KIF21A: variants seen among roughly 807,000 people sequenced by gnomAD.
The protein encoded by KIF21A is kinesin family member 21A.
KIF21A carries 114 observed loss-of-function variants against 202.9 expected under a neutral mutation model. The ratio of observed to expected loss-of-function variants is 0.56; its 90% CI spans 0.48 to 0.66. The LOEUF is 0.66. Ranked by LOEUF, KIF21A falls within the 30% of genes least tolerant of loss-of-function variation. The pLI, the probability that KIF21A is intolerant of heterozygous loss-of-function variation, is 0.00. For missense variants in KIF21A, 1,677 were observed against 1,994.9 expected (o/e 0.84, Z 3.04); for synonymous variants, 667 against 670.8 (o/e 0.99, Z 0.09).
intron 11 of KIF21A, among the ~76,000 whole-genome samples, chr12:39,347,764 T>C (rs1014965758): frequency 6.6e-6 from 1 of 151,436 alleles, no homozygotes; most frequent in Non-Finnish European, 1.5e-5. Context: ...AAGAAATCTG[T>C]GTGTTTCTAG....
intron 1 of KIF21A, among the ~76,000 whole-genome samples, chr12:39,421,367 C>T (rs931303996): frequency 2.0e-5 from 3 of 152,112 alleles, no homozygotes; most frequent in Non-Finnish European, 2.9e-5. Flanking sequence ...TTAAGCAAAA[C>T]ATGACTGTAA....
Position 39,379,630 on chromosome 12 carries a change from T to C in KIF21A, c.45-9369A>G, listed in dbSNP as rs147478140. On this transcript the variant is annotated intron_variant, in intron 1 of 37. Coordinates refer to ENST00000361418, the MANE Select transcript of KIF21A (RefSeq NM_001173464.2). ...TCAGGCTTCCAATGAAGCTCAGCAA[T>C]GGGAGGTATCAGTAGGACATTAAGG... 4.3e-3 allele frequency among the ~76,000 whole-genome samples: 653 copies of C among 152,246 alleles called. 3 individuals are homozygous for C. The highest frequency in any genetic ancestry group is 0.015 in the African/African-American group (613 of 41,550).
In KIF21A at chr12:39,375,217, A is replaced by T. The variant is rs577387624; in HGVS notation, c.45-4956T>A. Among the ~76,000 whole-genome samples the T allele has an allele frequency of 2.6e-5, 4 of 152,318 alleles. No homozygotes were observed. The South Asian group carries it at 8.3e-4, about 32-fold the overall frequency. On this transcript the variant is annotated intron_variant, in intron 1 of 37. Transcript: ENST00000361418. ...CATGTTTTGAGATGTCCTAAATAAA[A>T]CAAAAGTTTTAAAATAAAGTATTTT...
At position 39,322,898 on chromosome 12, in the gene KIF21A, A is replaced by G. The variant is rs1161950159; in HGVS notation, c.3457-16T>C. 12 of 1,581,916 alleles carry G rather than the reference A, an allele frequency of 7.6e-6. No individual in the cohort carries two copies. The highest frequency in any genetic ancestry group is 1.4e-5 in the African/African-American group (1 of 74,032). ...TCCTTCGGGCCTAGTCAAAGAATGG[A>G]AGGAAAAGCAATCAGGAGCAAACTC... On this transcript the variant is annotated splice_polypyrimidine_tract_variant and intron_variant, in intron 26 of 37. Coordinates refer to ENST00000361418, the MANE Select transcript of KIF21A (RefSeq NM_001173464.2).
rs1388605218 is a variant in KIF21A, at chr12:39,378,070, A to G, written c.45-7809T>C. On this transcript the variant is annotated intron_variant, in intron 1 of 37. Coordinates refer to ENST00000361418, the MANE Select transcript of KIF21A (RefSeq NM_001173464.2). Reference sequence around the variant, plus strand: ...ATGCTTCTGGCTGCAATTCTAGACTACACTACTCAGTCTCTGGTTTACAAC... The same window carrying G: ...ATGCTTCTGGCTGCAATTCTAGACTGCACTACTCAGTCTCTGGTTTACAAC... 2.6e-5 allele frequency among the ~76,000 whole-genome samples: 4 copies of G among 152,186 alleles called. 1 individual carries two copies. Among genetic ancestry groups the G allele is most frequent in the Non-Finnish European group, 5.9e-5 (4 of 68,032 alleles).
chr12:39,433,610 T>C (rs924961512), intron 1 of KIF21A, among the ~76,000 whole-genome samples: 10 of 152,200 alleles, frequency 6.6e-5, no homozygotes, highest in African/African-American at 2.2e-4. Flanking sequence ...TACATTAGGT[T>C]GAGCAACTAG....
intron 37 of KIF21A, among the ~76,000 whole-genome samples, chr12:39,297,301 G>A (rs113058380): frequency 0.042 from 6,322 of 151,972 alleles, 421 homozygotes; most frequent in African/African-American, 0.15. Flanking sequence ...TGTTTATTGC[G>A]GCACTATTCA....
At chr12:39,415,230 CTTTTTTTTTTTT>C (rs1161997461) in intron 1 of KIF21A, among the ~76,000 whole-genome samples, 2 of 55,434 alleles carry the variant, frequency 3.6e-5, no homozygotes, top group African/African-American at 1.6e-4. Context: ...GTAGAGAATG[CTTTTTTTTTTTT>C]TTTTTTTTTT....
chr12:39,428,768 G>A lies in KIF21A; in HGVS notation c.44+14159C>T, dbSNP rs371193166. 2.0e-3 allele frequency among the ~76,000 whole-genome samples: 307 copies of A among 152,176 alleles called. 4 individuals carry two copies. The highest frequency in any genetic ancestry group is 7.1e-3 in the African/African-American group (294 of 41,524). The stretch of plus-strand genomic sequence containing the variant: ...AGGTCAGGAGATCGAAACCATCCTG[G>A]CCAACATGGTGAAACCCTGGCTCTA... On this transcript the variant is annotated intron_variant, in intron 1 of 37. Coordinates refer to ENST00000361418, the MANE Select transcript of KIF21A (RefSeq NM_001173464.2).
At chr12:39,389,976 C>T (rs1483470358) in intron 1 of KIF21A, among the ~76,000 whole-genome samples, 2 of 152,218 alleles carry the variant, frequency 1.3e-5, no homozygotes, top group African/African-American at 4.8e-5. Context: ...CACTACCCCA[C>T]ACACTATACA....
At chr12:39,337,724 A>G (rs1164472290) in intron 16 of KIF21A, among the ~76,000 whole-genome samples, 1 of 152,198 alleles carries the variant, frequency 6.6e-6, no homozygotes, top group Non-Finnish European at 1.5e-5. Context: ...TATGTGCCTC[A>G]TAACATTTAA....
chr12:39,320,859 C>T (rs891700124), intron 27 of KIF21A, among the ~76,000 whole-genome samples: 1 of 136,822 alleles, frequency 7.3e-6, no homozygotes, highest in African/African-American at 2.8e-5. Context: ...CGCTTGAAGC[C>T]AGGAGGCAGA....
At position 39,303,284 on chromosome 12, in the gene KIF21A, T is replaced by C. The variant is rs1159442478; in HGVS notation, c.4561-149A>G. On this transcript the variant is annotated intron_variant, in intron 35 of 37. Coordinates refer to ENST00000361418, the MANE Select transcript of KIF21A (RefSeq NM_001173464.2). ...TTTCTGGTTTGTTAAATGTTTTCTT[T>C]TTATTTATTTTATTTATTATTTTGA... 1.2e-5 allele frequency: 8 copies of C among 658,758 alleles called. No individual in the cohort carries two copies. The East Asian group carries it at 2.0e-4, about 16-fold the overall frequency. 40.8% of individuals were successfully genotyped at this position (658,758 alleles called of 1,614,324 possible). A position where few individuals can be genotyped will look rare whatever the true frequency, so the allele number is the denominator to read the frequency against.
At chr12:39,420,164 T>C (rs1954134031) in intron 1 of KIF21A, among the ~76,000 whole-genome samples, 1 of 150,810 alleles carries the variant, frequency 6.6e-6, no homozygotes, top group Non-Finnish European at 1.5e-5. Context: ...AGATATGTGA[T>C]ACTTCTCATT....
At chr12:39,385,491 A>AT (rs746899388) in intron 1 of KIF21A, among the ~76,000 whole-genome samples, 9 of 152,220 alleles carry the variant, frequency 5.9e-5, no homozygotes, top group East Asian at 5.8e-4. Flanking sequence ...AAAATACTGT[A>AT]TATCTTCCTG....
At chr12:39,342,871 C>G (rs1327187566) in intron 12 of KIF21A, among the ~76,000 whole-genome samples, 1 of 152,112 alleles carries the variant, frequency 6.6e-6, no homozygotes, top group African/African-American at 2.4e-5. Context: ...TACACACATA[C>G]CAGGGAATGA....
intron 1 of KIF21A, among the ~76,000 whole-genome samples, chr12:39,405,696 G>T (rs544565791): frequency 4.6e-5 from 7 of 152,008 alleles, no homozygotes; most frequent in African/African-American, 1.7e-4. Flanking sequence ...CGTATATAAA[G>T]TTCCAAAACA....
At chr12:39,382,738 A>T (rs1181760389) in intron 1 of KIF21A, among the ~76,000 whole-genome samples, 3 of 152,226 alleles carry the variant, frequency 2.0e-5, no homozygotes. Flanking sequence ...ATCCAAATGA[A>T]CAATTAACAA....
intron 1 of KIF21A, among the ~76,000 whole-genome samples, chr12:39,385,833 A>G (rs1219850674): frequency 6.6e-6 from 1 of 152,184 alleles, no homozygotes; most frequent in Non-Finnish European, 1.5e-5. Flanking sequence ...AATGCACATA[A>G]GCATTTCACT....
Sources: allele counts gnomAD v4.1 joint callset (sites outside exome capture counted in the v4.1 genomes callset), GRCh38; gene constraint gnomAD v4.1.1; transcripts MANE v1.5; gene names NCBI Gene and HGNC (gene_info 2026-07-23, HGNC 2026-07-21).